Variants in IMMP2L observed in about 807,000 individuals in gnomAD.
IMMP2L encodes the protein mitochondrial inner membrane protease subunit 2.
IMMP2L carries 18 observed loss-of-function variants against 19.3 expected under a neutral mutation model. The ratio of observed to expected loss-of-function variants is 0.93; its 90% CI spans 0.64 to 1.38. The LOEUF is 1.38. Among genes scored for constraint, IMMP2L ranks in the 40% most tolerant of loss-of-function variants. The pLI is 0.00. For synonymous variants in IMMP2L, 76 were observed against 73.0 expected, an observed-to-expected ratio of 1.04 and a Z score of -0.21; for missense variants, 233 against 218.2, an observed-to-expected ratio of 1.07 and a Z score of -0.43.
intron 5 of IMMP2L, among the ~76,000 whole-genome samples, chr7:110,713,859 A>C (rs73435342): frequency 0.1 from 15,693 of 152,094 alleles, 1,720 homozygotes; most frequent in African/African-American, 0.27. Flanking sequence ...GTATACAATC[A>C]TATCATCAGT....
At chr7:111,201,241 GATGTGTTATCACCA>G (rs1391069472) in intron 3 of IMMP2L, among the ~76,000 whole-genome samples, 2 of 149,362 alleles carry the variant, frequency 1.3e-5, no homozygotes, top group Non-Finnish European at 3.0e-5. Context: ...AATGAAAATC[GATGTGTTATCACCA>G]ACCAACATTT....
chr7:111,075,737 C>T (rs1795347952), intron 3 of IMMP2L, among the ~76,000 whole-genome samples: 1 of 152,060 alleles, frequency 6.6e-6, no homozygotes, highest in African/African-American at 2.4e-5. Context: ...CACTTTTTCC[C>T]CACGTTGTCA....
intron 3 of IMMP2L, among the ~76,000 whole-genome samples, chr7:110,993,544 C>G (rs924161343): frequency 2.6e-5 from 4 of 151,786 alleles, no homozygotes; most frequent in Non-Finnish European, 5.9e-5. Flanking sequence ...AAAGCCAATC[C>G]TTCTCTCTCT....
At chr7:110,961,407 G>T (rs1205720379) in intron 4 of IMMP2L, among the ~76,000 whole-genome samples, 1 of 147,076 alleles carries the variant, frequency 6.8e-6, no homozygotes, top group African/African-American at 2.5e-5. Context: ...ATTGTTTAGG[G>T]AATAATGACA....
intron 5 of IMMP2L, among the ~76,000 whole-genome samples, chr7:110,800,583 A>G (rs1375852499): frequency 6.6e-6 from 1 of 152,104 alleles, no homozygotes; most frequent in African/African-American, 2.4e-5. Context: ...TTCTTCCCAA[A>G]AAGTTAATAT....
chr7:110,808,929 T>C (rs1213370327), intron 5 of IMMP2L, among the ~76,000 whole-genome samples: 1 of 152,078 alleles, frequency 6.6e-6, no homozygotes, highest in Non-Finnish European at 1.5e-5. Context: ...ATAAAAAGTT[T>C]AGGTTTCCTC....
chr7:110,687,492 A>G (rs184070612), intron 5 of IMMP2L, among the ~76,000 whole-genome samples: 33 of 152,266 alleles, frequency 2.2e-4, no homozygotes, highest in African/African-American at 7.5e-4. Flanking sequence ...ATAAAAGGTT[A>G]TAAATAATGA....
intron 4 of IMMP2L, among the ~76,000 whole-genome samples, chr7:110,927,464 C>A (rs78176452): frequency 0.016 from 2,466 of 152,134 alleles, 63 homozygotes; most frequent in African/African-American, 0.056. Flanking sequence ...CAGGATTATC[C>A]AGGTGGTTCC....
At chr7:111,259,479 A>T (rs915234645) in intron 3 of IMMP2L, among the ~76,000 whole-genome samples, 1 of 152,066 alleles carries the variant, frequency 6.6e-6, no homozygotes, top group Non-Finnish European at 1.5e-5. Context: ...TAATTAAAAA[A>T]TTTATTAAAA....
chr7:111,160,492 A>G (rs989040899), intron 3 of IMMP2L, among the ~76,000 whole-genome samples: 5 of 151,924 alleles, frequency 3.3e-5, no homozygotes, highest in Non-Finnish European at 7.4e-5. Flanking sequence ...CATTTTGCAT[A>G]TAAGTGAGTA....
At chr7:111,374,371 G>A (rs1830502361) in intron 3 of IMMP2L, among the ~76,000 whole-genome samples, 1 of 151,924 alleles carries the variant, frequency 6.6e-6, no homozygotes, top group Admixed American at 6.6e-5. Flanking sequence ...TGGAAAGACT[G>A]GCATCCTAGA....
chr7:111,422,553 T>C (rs771494137), intron 3 of IMMP2L, among the ~76,000 whole-genome samples: 16 of 151,850 alleles, frequency 1.1e-4, no homozygotes, highest in Non-Finnish European at 2.2e-4. Context: ...CTTGTGATTT[T>C]TGCACATTGG....
At chr7:111,489,182 TAG>T (rs1186944457) in intron 2 of IMMP2L, among the ~76,000 whole-genome samples, 2 of 151,710 alleles carry the variant, frequency 1.3e-5, no homozygotes, top group Non-Finnish European at 2.9e-5. Context: ...TAGCTGGGAC[TAG>T]AGGCGCCTGC....
chr7:111,015,848 G>C (rs1039621673), intron 3 of IMMP2L, among the ~76,000 whole-genome samples: 3 of 152,012 alleles, frequency 2.0e-5, no homozygotes, highest in African/African-American at 4.8e-5. Context: ...TGACACACTT[G>C]TGTTGCCTTT....
chr7:110,955,784 T>C (rs1468963430), intron 4 of IMMP2L, among the ~76,000 whole-genome samples: 1 of 151,312 alleles, frequency 6.6e-6, no homozygotes, highest in African/African-American at 2.4e-5. Context: ...ATGAGTTTCT[T>C]TTCATATCTC....
intron 3 of IMMP2L, among the ~76,000 whole-genome samples, chr7:111,020,941 G>A (rs1039226414): frequency 1.3e-5 from 2 of 152,028 alleles, no homozygotes; most frequent in African/African-American, 4.8e-5. Flanking sequence ...TGTGTCATGA[G>A]GTATTTCTTA....
chr7:110,912,275 T>C (rs1813139495), intron 4 of IMMP2L, among the ~76,000 whole-genome samples: 1 of 152,034 alleles, frequency 6.6e-6, no homozygotes, highest in African/African-American at 2.4e-5. Flanking sequence ...CAAAAATAAT[T>C]GCAAAACACA....
intron 3 of IMMP2L, among the ~76,000 whole-genome samples, chr7:111,271,693 C>T (rs1378101657): frequency 6.6e-6 from 1 of 152,088 alleles, no homozygotes; most frequent in African/African-American, 2.4e-5. Flanking sequence ...CACACAGATG[C>T]CTGCCATGAC....
chr7:111,183,704 G>C (rs1478708562), intron 3 of IMMP2L, among the ~76,000 whole-genome samples: 1 of 151,972 alleles, frequency 6.6e-6, no homozygotes, highest in South Asian at 2.1e-4. Flanking sequence ...TTTTGTTGTT[G>C]TTGTTGTTAA....
Sources: allele counts gnomAD v4.1 joint callset (sites outside exome capture counted in the v4.1 genomes callset), GRCh38; gene constraint gnomAD v4.1.1; transcripts MANE v1.5; gene names NCBI Gene and HGNC (gene_info 2026-07-23, HGNC 2026-07-21).